FRMPD4: variants seen among roughly 807,000 people sequenced by gnomAD.
FRMPD4 encodes FERM and PDZ domain containing 4.
Under a neutral mutation model 94.1 loss-of-function variants are expected in FRMPD4, and 22 were observed. The ratio of observed to expected loss-of-function variants is 0.23; its 90% CI spans 0.17 to 0.33. The LOEUF (loss-of-function observed/expected upper bound fraction) is 0.33. Among genes scored for constraint, FRMPD4 ranks in the 10% least tolerant of loss-of-function variants. FRMPD4 has a pLI of 1.00. For synonymous variants in FRMPD4, 631 were observed against 548.6 expected, an observed-to-expected ratio of 1.15 and a Z score of -2.10; for missense variants, 1,111 against 1,339.9, an observed-to-expected ratio of 0.83 and a Z score of 2.67.
At chrX:12,316,432 C>A (rs758301830) in intron 1 of FRMPD4, among the ~76,000 whole-genome samples, 16 of 111,496 alleles carry the variant, frequency 1.4e-4, no homozygotes, top group Admixed American at 1.9e-4. Context: ...GGATTACAGG[C>A]GTGAGCTGCC....
intron 3 of FRMPD4, among the ~76,000 whole-genome samples, chrX:11,957,176 A>T (rs1212939896): frequency 8.9e-6 from 1 of 112,110 alleles, no homozygotes; most frequent in Non-Finnish European, 1.9e-5. Context: ...TGACTCTCAT[A>T]CATACAAATA....
At chrX:11,934,969 T>A (rs2054144580) in intron 3 of FRMPD4, among the ~76,000 whole-genome samples, 1 of 111,046 alleles carries the variant, frequency 9.0e-6, no homozygotes, top group African/African-American at 3.3e-5. Flanking sequence ...ATGCAATTGA[T>A]CTTTTCTTGT....
At chrX:12,647,328 T>C (rs2148469027) in intron 4 of FRMPD4, among the ~76,000 whole-genome samples, 1 of 112,201 alleles carries the variant, frequency 8.9e-6, no homozygotes, top group African/African-American at 3.2e-5. Context: ...ATCAAACCAA[T>C]TGCCACTGTG....
At chrX:12,315,751 G>A (rs1475132626) in intron 1 of FRMPD4, among the ~76,000 whole-genome samples, 1 of 112,191 alleles carries the variant, frequency 8.9e-6, no homozygotes. Context: ...ACTCATGCAA[G>A]ATTTGGCCAA....
chrX:11,850,508 A>G (rs1360822354), intron 1 of FRMPD4, among the ~76,000 whole-genome samples: 1 of 112,699 alleles, frequency 8.9e-6, no homozygotes. Flanking sequence ...ATATATGTTC[A>G]TAGCAGTATT....
At chrX:12,316,967 A>T (rs1311309768) in intron 1 of FRMPD4, among the ~76,000 whole-genome samples, 1 of 111,993 alleles carries the variant, frequency 8.9e-6, no homozygotes, top group Non-Finnish European at 1.9e-5. Context: ...TAAAATCGTT[A>T]AAATTTATAT....
intron 2 of FRMPD4, among the ~76,000 whole-genome samples, chrX:12,553,190 A>G (rs761716831): frequency 3.7e-4 from 40 of 108,872 alleles, no homozygotes; most frequent in African/African-American, 1.3e-3. Context: ...GAAAGAAAGA[A>G]AGAGAGAGAG....
chrX:12,634,822 CTCTT>C (rs1337595213), intron 4 of FRMPD4, among the ~76,000 whole-genome samples: 2 of 87,496 alleles, frequency 2.3e-5, no homozygotes, highest in East Asian at 3.3e-4. Flanking sequence ...AAGTCCATCT[CTCTT>C]TTTTTTTTTT....
intron 1 of FRMPD4, among the ~76,000 whole-genome samples, chrX:12,156,949 G>A (rs1386988514): frequency 8.9e-6 from 1 of 111,910 alleles, no homozygotes; most frequent in Non-Finnish European, 1.9e-5. Context: ...ATGAGAATAG[G>A]TATGAGATAT....
chrX:12,133,180 G>A, intron 3 of FRMPD4, among the ~76,000 whole-genome samples: 1 of 109,949 alleles, frequency 9.1e-6, no homozygotes, highest in East Asian at 2.8e-4. Flanking sequence ...TTTAGCCAGT[G>A]GGAGGTAAAA....
intron 3 of FRMPD4, among the ~76,000 whole-genome samples, chrX:11,896,925 C>T (rs2053907424): frequency 9.0e-6 from 1 of 111,338 alleles, no homozygotes; most frequent in South Asian, 3.8e-4. Context: ...TAGCAAGCTC[C>T]CAGGGGATGC....
At chrX:12,280,053 C>T (rs2054499371) in intron 1 of FRMPD4, among the ~76,000 whole-genome samples, 1 of 110,505 alleles carries the variant, frequency 9.0e-6, no homozygotes, top group African/African-American at 3.3e-5. Flanking sequence ...ATATGCAGTA[C>T]ATTGGGCACA....
chrX:12,158,425 A>C (rs1349841649), intron 1 of FRMPD4, among the ~76,000 whole-genome samples: 1 of 111,848 alleles, frequency 8.9e-6, no homozygotes, highest in African/African-American at 3.3e-5. Context: ...GGTGATGCAT[A>C]ATATTCATGT....
At chrX:12,072,022 G>T (rs759687370) in intron 3 of FRMPD4, among the ~76,000 whole-genome samples, 9 of 110,996 alleles carry the variant, frequency 8.1e-5, no homozygotes, top group Non-Finnish European at 1.3e-4. Context: ...CCAGGGTCTT[G>T]CTCTGTTCCT....
intron 1 of FRMPD4, among the ~76,000 whole-genome samples, chrX:11,863,512 C>G (rs754173472): frequency 1.1e-4 from 12 of 110,729 alleles, no homozygotes; most frequent in African/African-American, 3.3e-4. Context: ...CTACAGCACC[C>G]CCTAGGCTAC....
intron 2 of FRMPD4, among the ~76,000 whole-genome samples, chrX:12,578,369 T>G (rs1349520737): frequency 9.0e-6 from 1 of 111,469 alleles, no homozygotes; most frequent in African/African-American, 3.3e-5. Context: ...TAGTTTTATG[T>G]TTTTTTTATC....
At chrX:12,517,090 G>C (rs2058106958) in intron 2 of FRMPD4, among the ~76,000 whole-genome samples, 1 of 109,520 alleles carries the variant, frequency 9.1e-6, no homozygotes, top group African/African-American at 3.3e-5. Flanking sequence ...TGGTTATTCT[G>C]GTTAATGGCT....
chrX:12,110,763 T>C lies in FRMPD4; in HGVS notation c.95+232745T>C, dbSNP rs773435227. The stretch of plus-strand genomic sequence containing the variant: ...CATTGTGCAAAAATCACAAGCATTC[T>C]TACACACCAATAACAGACAAACAGA... On this transcript the variant is annotated intron_variant, in intron 3 of 18. Coordinates refer to the FRMPD4 transcript ENST00000640291. 6.3e-5 allele frequency among the ~76,000 whole-genome samples: 7 copies of C among 111,412 alleles called. No individual in the cohort carries two copies. The East Asian group carries it at 2.0e-3, about 31-fold the overall frequency.
At chrX:11,926,270 A>G (rs5933933) in intron 3 of FRMPD4, among the ~76,000 whole-genome samples, 79 of 62,304 alleles carry the variant, frequency 1.3e-3, no homozygotes, top group East Asian at 3.2e-3. Flanking sequence ...AAAAAAAAAA[A>G]AAAAAAAAAA....
Sources: allele counts gnomAD v4.1 joint callset (sites outside exome capture counted in the v4.1 genomes callset), GRCh38; gene constraint gnomAD v4.1.1; transcripts MANE v1.5; gene names NCBI Gene and HGNC (gene_info 2026-07-23, HGNC 2026-07-21).